Variants in PRKG2 observed in about 807,000 individuals in gnomAD.
PRKG2 encodes cGMP-dependent protein kinase 2.
PRKG2 carries 33 observed loss-of-function variants against 97.2 expected under a neutral mutation model. The observed-to-expected ratio is 0.34, with a 90% CI of 0.26 to 0.45. PRKG2 has a LOEUF of 0.45. Among genes scored for constraint, PRKG2 ranks in the 20% least tolerant of loss-of-function variants. The pLI is 1.00. For synonymous variants in PRKG2, 330 were observed against 321.8 expected (o/e 1.03, Z -0.27); for missense variants, 638 against 900.0 (o/e 0.71, Z 3.73).
intron 16 of PRKG2, 82 bp downstream of exon 16, chr4:81,105,731 C>T: frequency 2.6e-6 from 4 of 1,529,614 alleles, no homozygotes; most frequent in Admixed American, 4.2e-5. Flanking sequence ...TAAATATGCA[C>T]CTAATTTTAA....
chr4:81,186,336 C>T, intron 2 of PRKG2, among the ~76,000 whole-genome samples: 1 of 152,196 alleles, frequency 6.6e-6, no homozygotes, highest in African/African-American at 2.4e-5. Context: ...AACTGCACAA[C>T]TATATGGAAA....
intron 2 of PRKG2, among the ~76,000 whole-genome samples, chr4:81,191,728 A>G (rs904162346): frequency 2.0e-5 from 3 of 152,186 alleles, no homozygotes; most frequent in African/African-American, 7.2e-5. Flanking sequence ...AAATATACAC[A>G]TCGAAAAGGG....
intron 14 of PRKG2, among the ~76,000 whole-genome samples, chr4:81,123,487 C>T (rs570803474): frequency 9.2e-5 from 14 of 152,358 alleles, no homozygotes; most frequent in African/African-American, 3.4e-4. Context: ...TCACTGTAAG[C>T]TCTGCCTCCC....
chr4:81,172,902 T>C (rs991654401), intron 3 of PRKG2, among the ~76,000 whole-genome samples: 7 of 152,030 alleles, frequency 4.6e-5, no homozygotes, highest in African/African-American at 1.7e-4. Flanking sequence ...CTGATAGAAT[T>C]TATACTAGCA....
chr4:81,102,350 C>T (rs142750594), intron 17 of PRKG2, among the ~76,000 whole-genome samples: 3 of 152,216 alleles, frequency 2.0e-5, no homozygotes, highest in East Asian at 1.9e-4. Flanking sequence ...CCAGCTATGC[C>T]AAAGCATAAC....
chr4:81,162,698 A>G (rs1214901157), intron 6 of PRKG2, among the ~76,000 whole-genome samples: 1 of 152,138 alleles, frequency 6.6e-6, no homozygotes, highest in Non-Finnish European at 1.5e-5. Flanking sequence ...GACTATATGC[A>G]GTGTGATTTT....
chr4:81,109,967 T>C (rs1254660670), intron 15 of PRKG2, among the ~76,000 whole-genome samples: 1 of 152,196 alleles, frequency 6.6e-6, no homozygotes, highest in Non-Finnish European at 1.5e-5. Context: ...ACAAGAGGAT[T>C]AAAATTTAAA....
At chr4:81,181,882 G>A (rs1196031680) in intron 2 of PRKG2, among the ~76,000 whole-genome samples, 1 of 151,712 alleles carries the variant, frequency 6.6e-6, no homozygotes, top group East Asian at 1.9e-4. Context: ...AAATTGTGAT[G>A]AAATGAAAAA....
intron 2 of PRKG2, among the ~76,000 whole-genome samples, chr4:81,196,854 G>GAA (rs72609271): frequency 1.3e-5 from 2 of 151,882 alleles, no homozygotes; most frequent in Non-Finnish European, 2.9e-5. Context: ...TCAGCAGAAA[G>GAA]AAGACAAATC....
intron 4 of PRKG2, among the ~76,000 whole-genome samples, chr4:81,169,992 A>T (rs921479675): frequency 9.9e-5 from 15 of 152,038 alleles, no homozygotes; most frequent in African/African-American, 3.6e-4. Context: ...CTAGCAAAAA[A>T]TTTCCTTTCT....
upstream of PRKG2, among the ~76,000 whole-genome samples, chr4:81,215,301 GT>G (rs1754229469): frequency 6.6e-6 from 1 of 152,214 alleles, no homozygotes; most frequent in South Asian, 2.1e-4. Flanking sequence ...TGCCTGGATA[GT>G]TGGGCGCCGG....
At chr4:81,204,124 G>C (rs979531842) in intron 2 of PRKG2, among the ~76,000 whole-genome samples, 3 of 152,090 alleles carry the variant, frequency 2.0e-5, no homozygotes, top group South Asian at 2.1e-4. Context: ...AGAGAGTAGA[G>C]ACCACCATAA....
At chr4:81,092,487 A>AGGAG in intron 17 of PRKG2, 35 bp from the exon 18 acceptor site, 2 of 990,394 alleles carry the variant, frequency 2.0e-6, no homozygotes, top group Middle Eastern at 3.2e-4. Flanking sequence ...GAAGGAAGGA[A>AGGAG]GGAAGGAAGG....
chr4:81,161,248 A>G (rs571067061), intron 6 of PRKG2, among the ~76,000 whole-genome samples: 2 of 152,300 alleles, frequency 1.3e-5, no homozygotes, highest in Non-Finnish European at 2.9e-5. Context: ...TTGGAGTTAA[A>G]AAGTTCTTTG....
rs140121023 is a variant in PRKG2 at position 81,195,606 on chromosome 4, C to T, written c.461+8981G>A. 5.3e-5 allele frequency among the ~76,000 whole-genome samples: 8 copies of T among 152,224 alleles called. No homozygotes were observed. In the East Asian group the frequency reaches 9.7e-4, roughly 18 times the overall value. On this transcript the variant is annotated intron_variant, in intron 2 of 18. Coordinates refer to ENST00000264399, the MANE Select transcript of PRKG2 (RefSeq NM_006259.3). ...CTAATTTCTGTCTCGATGAATTTGA[C>T]GATTCGAGGTACCTCATATAAATGG...
chr4:81,154,866 T>C (rs1195689048), intron 6 of PRKG2, among the ~76,000 whole-genome samples: 1 of 152,042 alleles, frequency 6.6e-6, no homozygotes, highest in Non-Finnish European at 1.5e-5. Context: ...AGTTGAAAAC[T>C]TTGAAAAAAA....
At chr4:81,159,262 A>G (rs554911830) in intron 6 of PRKG2, among the ~76,000 whole-genome samples, 2 of 152,300 alleles carry the variant, frequency 1.3e-5, no homozygotes, top group African/African-American at 4.8e-5. Flanking sequence ...ACAAATTTAC[A>G]AGAAAAAAAA....
intron 13 of PRKG2, among the ~76,000 whole-genome samples, chr4:81,135,979 A>G (rs2110028932): frequency 6.6e-6 from 1 of 152,240 alleles, no homozygotes; most frequent in Non-Finnish European, 1.5e-5. Context: ...CTCAGAATCC[A>G]TATCAGTAAA....
chr4:81,093,024 T>C (rs1741744373), intron 17 of PRKG2, among the ~76,000 whole-genome samples: 1 of 152,072 alleles, frequency 6.6e-6, no homozygotes, highest in African/African-American at 2.4e-5. Flanking sequence ...CTTCCCCACC[T>C]TTTCCATCTT....
Sources: allele counts gnomAD v4.1 joint callset (sites outside exome capture counted in the v4.1 genomes callset), GRCh38; gene constraint gnomAD v4.1.1; transcripts MANE v1.5; gene names NCBI Gene and HGNC (gene_info 2026-07-23, HGNC 2026-07-21).